The following SHROOM2 variants were observed in gnomAD, a reference collection of about 807,000 sequenced individuals.
The protein encoded by SHROOM2 is protein Shroom2.
SHROOM2 carries 33 observed loss-of-function variants against 75.9 expected under a neutral mutation model. That is an observed-to-expected ratio of 0.43 (90% confidence interval 0.33 to 0.58). The LOEUF (loss-of-function observed/expected upper bound fraction) is 0.58, where lower values mean the gene tolerates loss of function less well. Ranked by LOEUF, SHROOM2 falls within the 20% of genes least tolerant of loss-of-function variation. SHROOM2 has a pLI of 0.04. For synonymous variants in SHROOM2, 655 were observed against 663.6 expected (o/e 0.99, Z 0.20); for missense variants, 1,434 against 1,461.2 (o/e 0.98, Z 0.30).
rs1255442726 is a variant in SHROOM2 at position 9,946,780 on chromosome X, A to G, written c.4694A>G (p.Asn1565Ser). The G allele has an allele frequency of 1.7e-6, 2 of 1,204,881 alleles. No homozygotes were observed. Among genetic ancestry groups the G allele is most frequent in the Non-Finnish European group, 2.2e-6 (2 of 891,769 alleles). ...CGCATCGTCTTTGACATTTTGGCCAACTATCTGAGCGAGGAGAGCCTCGCG... is the reference window on the plus strand; with the variant it reads ...CGCATCGTCTTTGACATTTTGGCCAGCTATCTGAGCGAGGAGAGCCTCGCG... ...RERIVFDILANYLSEESLADY... is the reference protein window; with the variant it reads ...RERIVFDILASYLSEESLADY... The change falls in exon 10 of 10, where the codon AAC becomes AGC. Residue 1565 changes from asparagine to serine, a missense_variant. By Grantham distance (46) the Asn-to-Ser change is conservative. Transcript: ENST00000380913.
chrX:9,820,397 C>T (rs5979185), intron 1 of SHROOM2, among the ~76,000 whole-genome samples: 6,868 of 109,928 alleles, frequency 0.062, 533 homozygotes, highest in African/African-American at 0.21. Flanking sequence ...TAGAGTCTTG[C>T]TCTGTCACCC....
chrX:9,905,350 A>G (rs1299367733), intron 5 of SHROOM2, among the ~76,000 whole-genome samples: 1 of 113,026 alleles, frequency 8.8e-6, no homozygotes, highest in Non-Finnish European at 1.9e-5. Flanking sequence ...ATGCATTCAA[A>G]TATTCCCACA....
intron 2 of SHROOM2, among the ~76,000 whole-genome samples, chrX:9,888,743 C>T (rs1016756202): frequency 4.2e-4 from 47 of 112,092 alleles, no homozygotes; most frequent in Non-Finnish European, 8.3e-4. Flanking sequence ...AGCACCCGGC[C>T]ATTTGCATGC....
intron 1 of SHROOM2, chrX:9,819,381 C>T (rs1428263213): frequency 1.7e-5 from 8 of 460,369 alleles, no homozygotes; most frequent in Non-Finnish European, 3.9e-6. Context: ...TGTCTTGATT[C>T]CATTTCCTTT....
intron 1 of SHROOM2, among the ~76,000 whole-genome samples, chrX:9,859,106 C>T (rs1232314185): frequency 1.8e-5 from 2 of 109,364 alleles, no homozygotes; most frequent in Admixed American, 9.8e-5. Flanking sequence ...CTCAGCTACT[C>T]GGGAGGCTGA....
Position 9,938,613 on chromosome X carries a change from A to G in SHROOM2, c.4140-582A>G, listed in dbSNP as rs112939630. Among the ~76,000 whole-genome samples, 1,077 of 112,410 alleles carry G rather than the reference A, an allele frequency of 9.6e-3. 13 individuals are homozygous for G. The highest frequency in any genetic ancestry group is 0.033 in the African/African-American group (1,025 of 30,975). Reference sequence around the variant, plus strand: ...CACCTGCCTGAACAAATGTATTTTAATTGGTTTTGTAAGTAGCACTTTCAG... The same window carrying G: ...CACCTGCCTGAACAAATGTATTTTAGTTGGTTTTGTAAGTAGCACTTTCAG... On this transcript the variant is annotated intron_variant, in intron 7 of 9. Coordinates refer to ENST00000380913, the MANE Select transcript of SHROOM2 (RefSeq NM_001649.4).
At chrX:9,807,925 A>C (rs1487053899) in intron 1 of SHROOM2, among the ~76,000 whole-genome samples, 2 of 111,395 alleles carry the variant, frequency 1.8e-5, no homozygotes. Flanking sequence ...GTGGTTCAGC[A>C]GGAAAAGAGG....
intron 1 of SHROOM2, among the ~76,000 whole-genome samples, chrX:9,792,101 GAAT>G (rs2083661861): frequency 6.1e-5 from 1 of 16,520 alleles, no homozygotes; most frequent in African/African-American, 1.6e-4. Context: ...GAATAGAATA[GAAT>G]AGAATAGAAT....
intron 1 of SHROOM2, among the ~76,000 whole-genome samples, chrX:9,814,449 C>T (rs1232560163): frequency 1.8e-5 from 2 of 111,165 alleles, no homozygotes; most frequent in East Asian, 2.8e-4. Context: ...TGGTTCTTTT[C>T]GAGTGTAGCG....
chrX:9,942,318 G>A (rs1396334839), intron 8 of SHROOM2, among the ~76,000 whole-genome samples: 2 of 111,683 alleles, frequency 1.8e-5, no homozygotes, highest in Non-Finnish European at 3.8e-5. Context: ...CACACCCAGC[G>A]AGCAGTCACT....
At chrX:9,913,189 C>G (rs917473503) in intron 5 of SHROOM2, 1 of 112,262 alleles carries the variant, frequency 8.9e-6, no homozygotes, top group Admixed American at 9.4e-5. Flanking sequence ...CAGGCATTCT[C>G]ACTACACAGG....
intron 5 of SHROOM2, among the ~76,000 whole-genome samples, chrX:9,910,193 T>G (rs1005682596): frequency 9.0e-6 from 1 of 110,921 alleles, no homozygotes. Context: ...ATGCAGTACC[T>G]GGATGAGGTT....
chrX:9,926,928 G>A (rs1440359200), intron 5 of SHROOM2, among the ~76,000 whole-genome samples: 2 of 110,947 alleles, frequency 1.8e-5, no homozygotes, highest in Admixed American at 9.7e-5. Context: ...CATTTCGGAA[G>A]AGAGATGTTT....
At chrX:9,885,397 C>T (rs1353838386) in intron 2 of SHROOM2, among the ~76,000 whole-genome samples, 1 of 110,334 alleles carries the variant, frequency 9.1e-6, no homozygotes, top group Non-Finnish European at 1.9e-5. Flanking sequence ...GATTGAGCGA[C>T]CAGCATGTAG....
In SHROOM2 at chrX:9,946,748, C is replaced by A. The variant is rs140718348; in HGVS notation, c.4662C>A (p.Arg1554=). The A allele has an allele frequency of 1.7e-6, 2 of 1,203,925 alleles. No homozygotes were observed. The highest frequency in any genetic ancestry group is 3.0e-5 in the East Asian group (1 of 33,550). The change falls in exon 10 of 10, where the codon CGC becomes CGA. Residue 1554 remains arginine, a synonymous_variant. Coordinates refer to ENST00000380913, the MANE Select transcript of SHROOM2 (RefSeq NM_001649.4). The part of the protein sequence containing the change: ...DAKELKENLD[R]RERIVFDILA... ...AGGAGCTCAAGGAGAACCTGGACCG[C>A]CGCGAGCGCATCGTCTTTGACATTT...
At chrX:9,802,668 A>C (rs999710936) in intron 1 of SHROOM2, among the ~76,000 whole-genome samples, 1 of 111,483 alleles carries the variant, frequency 9.0e-6, no homozygotes, top group Non-Finnish European at 1.9e-5. Flanking sequence ...TCGCGGGCAT[A>C]TTGCCTGGCA....
chrX:9,921,803 A>C (rs1037119100), intron 5 of SHROOM2, among the ~76,000 whole-genome samples: 3 of 111,925 alleles, frequency 2.7e-5, no homozygotes, highest in African/African-American at 9.8e-5. Flanking sequence ...AGTCTTTTCT[A>C]TTCCTCTATA....
chrX:9,848,653 C>G (rs144534338), intron 1 of SHROOM2, among the ~76,000 whole-genome samples: 4 of 110,646 alleles, frequency 3.6e-5, no homozygotes, highest in South Asian at 7.7e-4. Context: ...GATTTATGCT[C>G]TGCCGGTAAT....
intron 4 of SHROOM2, 66 bp downstream of exon 4, chrX:9,896,764 C>T (rs2084335166): frequency 7.6e-6 from 8 of 1,047,556 alleles, no homozygotes; most frequent in Non-Finnish European, 1.0e-5. Context: ...ACCCAGAATG[C>T]AGTGGCTGAC....
Sources: allele counts gnomAD v4.1 joint callset (sites outside exome capture counted in the v4.1 genomes callset), GRCh38; gene constraint gnomAD v4.1.1; transcripts MANE v1.5; gene names NCBI Gene and HGNC (gene_info 2026-07-23, HGNC 2026-07-21).